COL2A1: variants seen among roughly 807,000 people sequenced by gnomAD.
COL2A1 encodes collagen alpha-1(II) chain.
A neutral mutation model predicts 204.5 loss-of-function variants in COL2A1; 28 were observed. The ratio of observed to expected loss-of-function variants is 0.14; its 90% CI spans 0.10 to 0.19. COL2A1 has a LOEUF of 0.19. Ranked by LOEUF, COL2A1 falls within the 10% of genes least tolerant of loss-of-function variation. COL2A1 has a pLI of 1.00. For missense variants in COL2A1, 1,388 were observed against 2,027.5 expected (o/e 0.68, Z 6.06); for synonymous variants, 708 against 718.7 (o/e 0.99, Z 0.24).
At chr12:48,001,242 AG>A (rs1357349020) in intron 1 of COL2A1, 2 of 112,082 alleles carry the variant, frequency 1.8e-5, no homozygotes, top group Non-Finnish European at 4.0e-5. Flanking sequence ...AATAGGAAAG[AG>A]CCACAAACCC....
In COL2A1 at chr12:47,986,423, T is replaced by C; in HGVS notation, c.1440A>G (p.Gly480=). The change falls in exon 23 of 54, where the codon GGA becomes GGG. Residue 480 remains glycine (G), a synonymous_variant. Transcript: ENST00000380518. Reference sequence around the variant, plus strand: ...CTTCTTCACCAGCGGGTCCAGGGGCTCCCTGGGGGCCAGCAGGGCCCTGAG... The same window carrying C: ...CTTCTTCACCAGCGGGTCCAGGGGCCCCCTGGGGGCCAGCAGGGCCCTGAG... The part of the protein sequence containing the change: ...KGEPGPAGPQ[G]APGPAGEEGK... 1 of 1,558,356 alleles carries C rather than the reference T, an allele frequency of 6.4e-7. No homozygotes were observed. Among genetic ancestry groups the C allele is most frequent in the Non-Finnish European group, 8.7e-7 (1 of 1,150,950 alleles).
In COL2A1 at chr12:47,977,596, T is replaced by C. The variant is rs1211410563; in HGVS notation, c.3165+4A>G. The C allele has an allele frequency of 5.6e-6, 9 of 1,613,520 alleles. No individual in the cohort carries two copies. The highest frequency in any genetic ancestry group is 7.6e-6 in the Non-Finnish European group (9 of 1,179,766). On this transcript the variant is annotated splice_donor_region_variant and intron_variant, in intron 45 of 53. Transcript: ENST00000380518. Reference sequence around the variant, plus strand: ...CACTGCACACACAGACACCAGACACTCACCTTGACTCCAGCAGCGCCATCT... The same window carrying C: ...CACTGCACACACAGACACCAGACACCCACCTTGACTCCAGCAGCGCCATCT...
chr12:47,982,261 T>C, intron 34 of COL2A1, 101 bp from the exon 35 acceptor site: 1 of 1,083,598 alleles, frequency 9.2e-7, no homozygotes. Flanking sequence ...GCCCAGTCCC[T>C]GCCCAAGAGG....
In COL2A1 at chr12:47,976,944, G is replaced by A; in HGVS notation, c.3328-25C>T. The A allele has an allele frequency of 6.3e-7, 1 of 1,579,762 alleles. No individual in the cohort carries two copies. Among genetic ancestry groups the A allele is most frequent in the Non-Finnish European group, 8.6e-7 (1 of 1,158,822 alleles). ...CCTGGGAACAAGACAGACACCGATT[G>A]AGTCAGGTCAGGGCCAGGACAGGAG... On this transcript the variant is annotated intron_variant, in intron 47 of 53. Transcript: ENST00000380518. This position sits in a 1 kb window ranked among gnomAD's most constrained non-coding sequence, Gnocchi z 4.3.
intron 18 of COL2A1, among the ~76,000 whole-genome samples, chr12:47,988,258 A>C (rs1565685402): frequency 2.6e-5 from 4 of 152,172 alleles, no homozygotes; most frequent in Non-Finnish European, 4.4e-5. Flanking sequence ...CCAAGGCAAA[A>C]GCACATGGGG....
At chr12:47,977,755 C>T (rs918882075) in intron 44 of COL2A1, 102 bp from the exon 45 acceptor site, 84 of 1,304,396 alleles carry the variant, frequency 6.4e-5, no homozygotes, top group Non-Finnish European at 8.9e-5. Flanking sequence ...CCTCTTCTGC[C>T]CAACTCACTC....
chr12:47,981,914 T>C (rs1000922088), intron 35 of COL2A1, 85 bp from the exon 36 acceptor site: 2 of 1,408,506 alleles, frequency 1.4e-6, no homozygotes, highest in African/African-American at 2.8e-5. Context: ...CCTTGGTGCG[T>C]GCTCCCACCG....
At chr12:47,993,912 G>A (rs1460647804) in intron 13 of COL2A1, 50 bp from the exon 14 acceptor site, 1 of 1,613,532 alleles carries the variant, frequency 6.2e-7, no homozygotes. Context: ...AACCCAAGTT[G>A]GAAGAAATGC....
chr12:47,984,402 C>T, intron 28 of COL2A1, 144 bp downstream of exon 28: 1 of 910,942 alleles, frequency 1.1e-6, no homozygotes, highest in Non-Finnish European at 1.7e-6. Flanking sequence ...ACCCAAAGGG[C>T]CCAGCCAGCA....
chr12:48,004,009 A>G, intron 1 of COL2A1: 1 of 566,350 alleles, frequency 1.8e-6, no homozygotes, highest in Non-Finnish European at 3.2e-6. Context: ...AGGGACCTGC[A>G]AATACTTGCA....
Position 47,978,618 on chromosome 12 carries a change from C to T in COL2A1, c.2874G>A (p.Glu958=). The T allele has an allele frequency of 6.2e-7, 1 of 1,613,504 alleles. No homozygotes were observed. Among genetic ancestry groups the T allele is most frequent in the Non-Finnish European group, 8.5e-7 (1 of 1,179,956 alleles). The part of the protein sequence containing the change: ...GPAGPPGEKG[E]PGDDGPSGAE... ...TTACAGAGGGACCGTCATCTCCAGG[C>T]TCTCCCTTCTCGCCAGGGGGTCCAG... is the stretch of plus-strand genomic sequence containing the variant. The change falls in exon 42 of 54, where the codon GAG becomes GAA. Residue 958 remains glutamate (E), a synonymous_variant. Transcript: ENST00000380518. The surrounding 1 kb of genome is among the most constrained non-coding windows in gnomAD (Gnocchi z 5.5).
At chr12:47,994,402 G>A in intron 12 of COL2A1, 22 bp downstream of exon 12, 1 of 1,613,986 alleles carries the variant, frequency 6.2e-7, no homozygotes, top group Non-Finnish European at 8.5e-7. Flanking sequence ...AGATGCCTGA[G>A]GCTGGGAACG....
chr12:47,985,859 C>T (rs752118804), intron 24 of COL2A1, 33 bp from the exon 25 acceptor site: 35 of 1,586,498 alleles, frequency 2.2e-5, no homozygotes, highest in Non-Finnish European at 2.8e-5. Flanking sequence ...AGTGGGATAC[C>T]ATGTGACCTC....
At chr12:47,977,012 A>C in intron 47 of COL2A1, 90 bp downstream of exon 47, 1 of 1,539,500 alleles carries the variant, frequency 6.5e-7, no homozygotes, top group Middle Eastern at 1.7e-4. Context: ...CCGGAAACAC[A>C]GGGCTGGAGG....
rs1938838060 is a variant in COL2A1, at chr12:47,978,291, C to T, written c.3003G>A (p.Ser1001=). The change falls in exon 43 of 54, where the codon TCG becomes TCA. Residue 1001 remains serine, a splice_region_variant and synonymous_variant. Transcript: ENST00000380518. The surrounding 1 kb of genome is among the most constrained non-coding windows in gnomAD (Gnocchi z 5.5). ...ERGFPGLPGP[S]GEPGKQGAPG... ...GGAGGGAGGGATACCCCACACTCAC[C>T]GACGGGCCAGGCAAGCCAGGGAATC... 8 of 1,613,802 alleles carry T rather than the reference C, an allele frequency of 5.0e-6. No individual in the cohort carries two copies. Among genetic ancestry groups the T allele is most frequent in the East Asian group, 2.2e-5 (1 of 44,878 alleles).
At chr12:47,986,280 C>A in intron 23 of COL2A1, 56 bp downstream of exon 23, 1 of 1,173,698 alleles carries the variant, frequency 8.5e-7, no homozygotes, top group Non-Finnish European at 1.2e-6. Context: ...ACAAGGACTC[C>A]ACTTCCCTCT....
rs552005991 is a variant in COL2A1, at chr12:48,002,779, T to A, written c.85+1458A>T. The stretch of plus-strand genomic sequence containing the variant: ...GCCACGTATAGTCACGCTGTATTCC[T>A]CAAATGCCCAGGAGCGCGCCTCCAG... On this transcript the variant is annotated intron_variant, in intron 1 of 53. Transcript: ENST00000380518. 3 of 152,378 alleles carry A rather than the reference T, an allele frequency of 2.0e-5. No homozygotes were observed. In the East Asian group the frequency reaches 5.8e-4, roughly 29 times the overall value. The allele number at this position is 152,378 out of a possible 1,614,324, so 9.4% of individuals were successfully genotyped here. A position where few individuals can be genotyped will look rare whatever the true frequency, so the allele number is the denominator to read the frequency against.
chr12:47,979,880 G>T, intron 40 of COL2A1, 129 bp downstream of exon 40: 3 of 859,098 alleles, frequency 3.5e-6, no homozygotes, highest in Non-Finnish European at 3.6e-6. Context: ...CTGTGGGTGG[G>T]CTTAGGCTGG....
intron 16 of COL2A1, among the ~76,000 whole-genome samples, chr12:47,990,571 C>T (rs998850258): frequency 2.0e-5 from 3 of 152,220 alleles, no homozygotes; most frequent in Non-Finnish European, 4.4e-5. Context: ...CTTCCTCTGG[C>T]CCATCCCCAG....
Sources: gnomAD v4.1 joint callset for allele counts (sites outside exome capture counted in the v4.1 genomes callset) on GRCh38, gnomAD v4.1.1 for gene constraint, Gnocchi (gnomAD v3.1) non-coding constraint, MANE v1.5 for transcripts, NCBI Gene and HGNC (gene_info 2026-07-23, HGNC 2026-07-21) for gene names.